Variants in KIF26B observed in about 807,000 individuals in gnomAD.
The protein encoded by KIF26B is kinesin-like protein KIF26B.
Under a neutral mutation model 151.2 loss-of-function variants are expected in KIF26B, and 63 were observed. That is an observed-to-expected ratio of 0.42 (90% confidence interval 0.34 to 0.51). The LOEUF (loss-of-function observed/expected upper bound fraction) is 0.51, where lower values mean the gene tolerates loss of function less well. Among genes scored for constraint, KIF26B ranks in the 20% least tolerant of loss-of-function variants. The pLI is 0.07. For missense variants in KIF26B, 2,813 were observed against 2,913.6 expected (o/e 0.97, Z 0.79); for synonymous variants, 1,357 against 1,262.1 (o/e 1.08, Z -1.59).
intron 5 of KIF26B, among the ~76,000 whole-genome samples, chr1:245,600,002 A>G (rs1008224870): frequency 6.6e-5 from 10 of 151,614 alleles, no homozygotes; most frequent in African/African-American, 2.4e-4. Flanking sequence ...GATTCACGCT[A>G]TCCAGAGTCC....
Position 245,507,284 on chromosome 1 carries a change from T to C in KIF26B, c.1167-33483T>C, listed in dbSNP as rs150074915. Among the ~76,000 whole-genome samples, 625 of 152,266 alleles carry C rather than the reference T, an allele frequency of 4.1e-3. 7 individuals carry two copies. The highest frequency in any genetic ancestry group is 0.014 in the African/African-American group (599 of 41,550). On this transcript the variant is annotated intron_variant, in intron 4 of 14. Coordinates refer to ENST00000407071, the MANE Select transcript of KIF26B (RefSeq NM_018012.4). ...CTGGAAGCCAACACTCAGGTGGAGC[T>C]GGGCATGCAGGATGTTTACTGGAAA...
chr1:245,539,716 T>G (rs528147721), intron 4 of KIF26B, among the ~76,000 whole-genome samples: 2 of 152,144 alleles, frequency 1.3e-5, no homozygotes, highest in Non-Finnish European at 2.9e-5. Flanking sequence ...GCAGTGGCGC[T>G]ATCTGGGCTC....
intron 6 of KIF26B, among the ~76,000 whole-genome samples, chr1:245,603,514 G>C (rs1244638311): frequency 6.6e-6 from 1 of 152,158 alleles, no homozygotes; most frequent in African/African-American, 2.4e-5. Context: ...ATCTTGGCTG[G>C]ATATCAGCCA....
intron 4 of KIF26B, among the ~76,000 whole-genome samples, chr1:245,521,186 A>G (rs1022781454): frequency 6.6e-6 from 1 of 152,056 alleles, no homozygotes; most frequent in Non-Finnish European, 1.5e-5. Context: ...AAATACAAAA[A>G]ATTAGCCAGG....
chr1:245,349,017 T>C (rs1299067186), intron 2 of KIF26B, among the ~76,000 whole-genome samples: 1 of 152,116 alleles, frequency 6.6e-6, no homozygotes, highest in African/African-American at 2.4e-5. Context: ...TCTCCATAGG[T>C]CACATGTGAC....
At position 245,315,973 on chromosome 1, in the gene KIF26B, A is replaced by G. The variant is rs544250561; in HGVS notation, c.466-50861A>G. 5.9e-5 allele frequency among the ~76,000 whole-genome samples: 9 copies of G among 152,244 alleles called. No individual in the cohort carries two copies. The South Asian group carries it at 1.9e-3, about 32-fold the overall frequency. On this transcript the variant is annotated intron_variant, in intron 2 of 14. Coordinates refer to ENST00000407071, the MANE Select transcript of KIF26B (RefSeq NM_018012.4). ...AAAGTACATATCATTAATTCCACAA[A>G]TGCAAATAGAATACCAATCAAAGGA...
intron 5 of KIF26B, among the ~76,000 whole-genome samples, chr1:245,595,340 G>A (rs1316445422): frequency 1.3e-5 from 2 of 152,076 alleles, no homozygotes; most frequent in African/African-American, 4.8e-5. Flanking sequence ...ACGTTTCATC[G>A]ATACCTAATT....
intron 4 of KIF26B, among the ~76,000 whole-genome samples, chr1:245,431,188 C>CT (rs558421674): frequency 1.6e-3 from 245 of 151,920 alleles, no homozygotes; most frequent in Non-Finnish European, 2.8e-3. Flanking sequence ...AACAACTACT[C>CT]TTTTTTTTGA....
At chr1:245,355,008 C>T (rs1190460522) in intron 2 of KIF26B, among the ~76,000 whole-genome samples, 3 of 152,166 alleles carry the variant, frequency 2.0e-5, no homozygotes, top group Non-Finnish European at 4.4e-5. Context: ...GCAACCTATG[C>T]CTTTCAGGTT....
chr1:245,685,998 C>T lies in KIF26B; in HGVS notation c.3015C>T (p.His1005=), dbSNP rs1309649947. Residue 1005 remains histidine (H), a synonymous_variant, in exon 12 of 15, where the codon CAC becomes CAT. Coordinates refer to ENST00000407071, the MANE Select transcript of KIF26B (RefSeq NM_018012.4). ...CAGCCTCCAAGATGCAGAGGAGTCA[C>T]TCACCTGTGCCCGCCGCGGCACCCG... is the stretch of plus-strand genomic sequence containing the variant. ...ELPASKMQRS[H]SPVPAAAPAH... is the part of the protein sequence containing the mutation. The T allele has an allele frequency of 1.3e-6, 2 of 1,590,286 alleles. No homozygotes were observed. Among genetic ancestry groups the T allele is most frequent in the Admixed American group, 1.8e-5 (1 of 56,132 alleles).
At chr1:245,267,279 G>A (rs999412088) in intron 2 of KIF26B, among the ~76,000 whole-genome samples, 2 of 152,216 alleles carry the variant, frequency 1.3e-5, no homozygotes, top group Admixed American at 6.5e-5. Flanking sequence ...GCAGCTGGTA[G>A]TGTATACATT....
chr1:245,688,263 C>T lies in KIF26B; in HGVS notation c.5280C>T (p.Thr1760=), dbSNP rs932881225. Residue 1760 remains threonine (T), a synonymous_variant, in exon 12 of 15, where the codon ACC becomes ACT. Coordinates refer to ENST00000407071, the MANE Select transcript of KIF26B (RefSeq NM_018012.4). Reference sequence around the variant, plus strand: ...CCACCAAAACCCTCAGCTTCTCCACCAAGTCCCTGCCGCAGGCGGTGGGCC... The same window carrying T: ...CCACCAAAACCCTCAGCTTCTCCACTAAGTCCCTGCCGCAGGCGGTGGGCC... ...ASTTKTLSFS[T]KSLPQAVGQG... 6.3e-7 allele frequency: 1 copy of T among 1,595,272 alleles called. No individual in the cohort carries two copies. The highest frequency in any genetic ancestry group is 8.5e-7 in the Non-Finnish European group (1 of 1,177,262).
intron 7 of KIF26B, 75 bp from the exon 8 acceptor site, chr1:245,609,191 G>A (rs2043490837): frequency 1.4e-5 from 19 of 1,338,894 alleles, no homozygotes; most frequent in Non-Finnish European, 1.7e-5. Flanking sequence ...TATATCCTTG[G>A]CATCTATTTT....
intron 2 of KIF26B, among the ~76,000 whole-genome samples, chr1:245,355,166 C>T (rs1025370676): frequency 7.9e-5 from 12 of 152,208 alleles, no homozygotes; most frequent in Non-Finnish European, 1.3e-4. Context: ...CTCAGGTGGT[C>T]CGCCCATCTC....
chr1:245,497,336 A>G (rs908266984), intron 4 of KIF26B, among the ~76,000 whole-genome samples: 5 of 152,206 alleles, frequency 3.3e-5, no homozygotes, highest in African/African-American at 1.2e-4. Flanking sequence ...CAACAATGAC[A>G]CAATTCATTT....
Position 245,637,116 on chromosome 1 carries a change from C to T in KIF26B, c.2099-9005C>T, listed in dbSNP as rs138937385. On this transcript the variant is annotated intron_variant, in intron 9 of 14. Transcript: ENST00000407071. ...CAGAATGTTTTCCATGATGGCTGTA[C>T]TAATTTACATTCCCACCAAGTGTAT... Among the ~76,000 whole-genome samples, 183 of 152,192 alleles carry T rather than the reference C, an allele frequency of 1.2e-3. 2 individuals carry two copies. In the East Asian group the frequency reaches 0.03, roughly 25 times the overall value.
chr1:245,187,678 T>C (rs982907012), intron 2 of KIF26B, among the ~76,000 whole-genome samples: 2 of 152,202 alleles, frequency 1.3e-5, no homozygotes, highest in African/African-American at 4.8e-5. Context: ...TGGAAGGCTC[T>C]TGGTGTTTCA....
rs2147959265 is a variant in KIF26B, at chr1:245,688,898, G to A, written c.5824+91G>A. Reference sequence around the variant, plus strand: ...CTGCCAGGGTGTCCCGTGCCCTGGGGAGGGGGCGTCCAGGCCTGGCCTCTC... The same window carrying A: ...CTGCCAGGGTGTCCCGTGCCCTGGGAAGGGGGCGTCCAGGCCTGGCCTCTC... On this transcript the variant is annotated intron_variant, in intron 12 of 14. Transcript: ENST00000407071. The A allele has an allele frequency of 2.1e-6, 3 of 1,432,504 alleles. 1 individual carries two copies. The South Asian group carries it at 4.4e-5, about 21-fold the overall frequency. 88.7% of individuals were successfully genotyped at this position (1,432,504 alleles called of 1,614,324 possible). A position where few individuals can be genotyped will look rare whatever the true frequency, so the allele number is the denominator to read the frequency against.
chr1:245,520,611 C>CCCCTCCATCCATCCAT (rs1661079272), intron 4 of KIF26B, among the ~76,000 whole-genome samples: 1 of 78,682 alleles, frequency 1.3e-5, no homozygotes, highest in African/African-American at 3.6e-5. Flanking sequence ...CACCCACCCA[C>CCCCTCCATCCATCCAT]CCATCCATCC....
Sources: gnomAD v4.1 joint callset for allele counts (sites outside exome capture counted in the v4.1 genomes callset) on GRCh38, gnomAD v4.1.1 for gene constraint, MANE v1.5 for transcripts, NCBI Gene and HGNC (gene_info 2026-07-23, HGNC 2026-07-21) for gene names.